PDE1C: variants seen among roughly 807,000 people sequenced by gnomAD.
PDE1C encodes dual specificity calcium/calmodulin-dependent 3',5'-cyclic nucleotide phosphodiesterase 1C.
Under a neutral mutation model 93.1 loss-of-function variants are expected in PDE1C, and 62 were observed. The observed-to-expected ratio is 0.67, with a 90% CI of 0.54 to 0.82. The LOEUF is 0.82. PDE1C is among the 40% of genes least tolerant of loss of function. The pLI, the probability that PDE1C is intolerant of heterozygous loss-of-function variation, is 0.00. For synonymous variants in PDE1C, 325 were observed against 310.1 expected, an observed-to-expected ratio of 1.05 and a Z score of -0.50; for missense variants, 742 against 884.6, an observed-to-expected ratio of 0.84 and a Z score of 2.04.
At chr7:32,340,002 A>AT (rs1243871015) in intron 1 of PDE1C, among the ~76,000 whole-genome samples, 3 of 151,998 alleles carry the variant, frequency 2.0e-5, no homozygotes, top group East Asian at 1.9e-4. Flanking sequence ...GCACTGTGTG[A>AT]TTTTTTTCTA....
chr7:32,395,268 G>A (rs763512044), intron 1 of PDE1C, among the ~76,000 whole-genome samples: 1 of 152,202 alleles, frequency 6.6e-6, no homozygotes, highest in Non-Finnish European at 1.5e-5. Context: ...AAGTGCAGCA[G>A]TCAAAACAGG....
chr7:32,189,720 T>C (rs1157038542), intron 2 of PDE1C, among the ~76,000 whole-genome samples: 1 of 152,140 alleles, frequency 6.6e-6, no homozygotes, highest in Non-Finnish European at 1.5e-5. Flanking sequence ...CGTTTGAAAG[T>C]AATTGAAGAT....
At chr7:31,913,777 C>G (rs542503688) in intron 2 of PDE1C, among the ~76,000 whole-genome samples, 87 of 152,292 alleles carry the variant, frequency 5.7e-4, no homozygotes, top group African/African-American at 1.8e-3. Context: ...GTTCTCCAAT[C>G]CCAGCCTCAC....
chr7:32,279,964 T>TG (rs1300297743), intron 1 of PDE1C, among the ~76,000 whole-genome samples: 4 of 152,130 alleles, frequency 2.6e-5, no homozygotes, highest in African/African-American at 9.7e-5. Flanking sequence ...TATTTGTAAG[T>TG]GGGAAAAAAA....
chr7:32,307,192 CT>C (rs1441529499), intron 1 of PDE1C, among the ~76,000 whole-genome samples: 2 of 151,704 alleles, frequency 1.3e-5, no homozygotes, highest in Non-Finnish European at 2.9e-5. Flanking sequence ...TTTTTTCTTG[CT>C]CATTACGAAG....
At chr7:32,337,143 C>G (rs1020190182) in intron 1 of PDE1C, among the ~76,000 whole-genome samples, 17 of 152,118 alleles carry the variant, frequency 1.1e-4, no homozygotes, top group Non-Finnish European at 2.4e-4. Flanking sequence ...CTCCTCCCTT[C>G]CAAGCCACCC....
chr7:32,071,694 T>A (rs30602), upstream of PDE1C, among the ~76,000 whole-genome samples: 81,669 of 151,932 alleles, frequency 0.54, 22,229 homozygotes, highest in Middle Eastern at 0.61. Flanking sequence ...CCCTAGTTCA[T>A]GAACAATGTC....
chr7:32,090,183 T>TTAA lies in PDE1C; in HGVS notation c.308+79601_308+79602insTTA, dbSNP rs3078638. Among the ~76,000 whole-genome samples the TTAA allele has an allele frequency of 5.6e-3, 857 of 151,752 alleles. 10 individuals are homozygous for TTAA. Among genetic ancestry groups the TTAA allele is most frequent in the African/African-American group, 0.02 (825 of 41,402 alleles). On this transcript the variant is annotated intron_variant, in intron 3 of 18. Transcript: ENST00000396193. Reference sequence around the variant, plus strand: ...GCAGCCTTACTGTTAATAACATAAATAAAAAAATAGTAAAATAACAACACT... The same window carrying TTAA: ...GCAGCCTTACTGTTAATAACATAAATTAAAAAAAAATAGTAAAATAACAACACT...
At chr7:31,668,485 C>A in the PDE1C span, among the ~76,000 whole-genome samples, 2 of 89,018 alleles carry the variant, frequency 2.2e-5, no homozygotes, top group Non-Finnish European at 4.5e-5. Flanking sequence ...AAGGAGTATT[C>A]TTCAGCAATA....
At chr7:31,968,176 T>C (rs1289769322) in intron 2 of PDE1C, among the ~76,000 whole-genome samples, 1 of 152,204 alleles carries the variant, frequency 6.6e-6, no homozygotes, top group Non-Finnish European at 1.5e-5. Flanking sequence ...ATTGTCCCTG[T>C]TTGCAGATGA....
intron 2 of PDE1C, among the ~76,000 whole-genome samples, chr7:32,030,849 A>T (rs1408254474): frequency 1.3e-5 from 2 of 152,072 alleles, no homozygotes; most frequent in African/African-American, 2.4e-5. Flanking sequence ...GGACTTCACC[A>T]GGAGATTTGC....
chr7:32,042,377 T>C (rs1405147871), intron 2 of PDE1C, among the ~76,000 whole-genome samples: 2 of 152,192 alleles, frequency 1.3e-5, no homozygotes, highest in Non-Finnish European at 2.9e-5. Flanking sequence ...AAACTTTCAG[T>C]GTCTGAAAGG....
chr7:31,918,717 T>C (rs918795922), intron 2 of PDE1C, among the ~76,000 whole-genome samples: 19 of 152,222 alleles, frequency 1.2e-4, no homozygotes, highest in Non-Finnish European at 2.8e-4. Flanking sequence ...TTTTCTTCTG[T>C]CATTTCTGCT....
chr7:32,015,270 T>C (rs546731648), intron 2 of PDE1C, among the ~76,000 whole-genome samples: 1 of 150,792 alleles, frequency 6.6e-6, no homozygotes, highest in African/African-American at 2.4e-5. Flanking sequence ...CATGTATTCA[T>C]GCTAGGAGCA....
chr7:31,970,654 C>T (rs149748174), intron 2 of PDE1C, among the ~76,000 whole-genome samples: 107 of 152,312 alleles, frequency 7.0e-4, no homozygotes, highest in African/African-American at 2.4e-3. Flanking sequence ...AGTATCTTGG[C>T]TCCCTGCATT....
At chr7:31,723,607 G>A in the PDE1C span, among the ~76,000 whole-genome samples, 37 of 152,160 alleles carry the variant, frequency 2.4e-4, no homozygotes, top group Non-Finnish European at 1.2e-4. Context: ...CGGAGTCAGG[G>A]CAGTCAGGTC....
At chr7:32,177,988 C>T (rs746489561) in intron 2 of PDE1C, among the ~76,000 whole-genome samples, 15 of 152,190 alleles carry the variant, frequency 9.9e-5, no homozygotes, top group Admixed American at 4.6e-4. Context: ...GGCTCTCATC[C>T]CCCATGGTCA....
intron 1 of PDE1C, among the ~76,000 whole-genome samples, chr7:32,386,673 G>T (rs1312764125): frequency 1.4e-5 from 2 of 141,404 alleles, no homozygotes; most frequent in African/African-American, 5.4e-5. Context: ...GGGTCTTGCT[G>T]TGTTGCCCAG....
Position 31,873,369 on chromosome 7 carries a change from C to T in PDE1C, c.532G>A (p.Glu178Lys). The stretch of plus-strand genomic sequence containing the variant: ...TTCAGTGCATGATCCCCACTGGCCT[C>T]ATTGAGGGAAAAGACGTCAAAGGAC... Reference protein sequence around the residue: ...KWSFDVFSLNEASGDHALKFI... With the variant: ...KWSFDVFSLNKASGDHALKFI... Residue 178 changes from glutamate to lysine, a missense_variant, in exon 6 of 18, where the codon GAG (glutamate) becomes AAG (lysine). Glu to Lys is a moderately conservative substitution (Grantham distance 56). Around this residue, in one of 4 missense-constraint regions of PDE1C, gnomAD observed 205 missense variants for 295.3 expected, o/e 0.69. Transcript: ENST00000396191. 6.2e-7 allele frequency: 1 copy of T among 1,613,650 alleles called. No individual in the cohort carries two copies. Among genetic ancestry groups the T allele is most frequent in the Non-Finnish European group, 8.5e-7 (1 of 1,179,698 alleles).
Sources: gnomAD v4.1 joint callset for allele counts (sites outside exome capture counted in the v4.1 genomes callset) on GRCh38, gnomAD v4.1.1 for gene constraint, gnomAD v4.1.1 regional missense constraint, MANE v1.5 for transcripts, NCBI Gene and HGNC (gene_info 2026-07-23, HGNC 2026-07-21) for gene names.